The following MMP26 variants were observed in gnomAD, a reference collection of about 807,000 sequenced individuals.
MMP26 encodes the protein matrix metallopeptidase 26.
In MMP26, 33 loss-of-function variants were observed where a neutral mutation model predicts 31.0. That is an observed-to-expected ratio of 1.06 (90% confidence interval 0.81 to 1.42). The LOEUF (loss-of-function observed/expected upper bound fraction) is 1.42, where lower values mean the gene tolerates loss of function less well. Among genes scored for constraint, MMP26 ranks in the 40% most tolerant of loss-of-function variants. The pLI is 0.00. For missense variants in MMP26, 347 were observed against 316.1 expected, an observed-to-expected ratio of 1.10 and a Z score of -0.74; for synonymous variants, 122 against 114.9, an observed-to-expected ratio of 1.06 and a Z score of -0.40.
At chr11:4,740,028 G>A (rs935697433) in intron 1 of MMP26, among the ~76,000 whole-genome samples, 1 of 152,146 alleles carries the variant, frequency 6.6e-6, no homozygotes. Flanking sequence ...GGATTATAGT[G>A]AGTATGGAAT....
intron 1 of MMP26, chr11:4,723,905 G>A (rs1210967893): frequency 6.8e-6 from 7 of 1,036,548 alleles, no homozygotes; most frequent in African/African-American, 1.6e-5. Flanking sequence ...TCCTTCTCCT[G>A]GGTGCGCATG....
At chr11:4,972,608 A>G (rs1453881529) in intron 2 of MMP26, among the ~76,000 whole-genome samples, 21 of 152,172 alleles carry the variant, frequency 1.4e-4, no homozygotes, top group Non-Finnish European at 5.9e-5. Flanking sequence ...GTCACCTCTG[A>G]TCACTGCCCA....
At chr11:4,925,671 A>G (rs1851260775) in intron 2 of MMP26, among the ~76,000 whole-genome samples, 1 of 152,070 alleles carries the variant, frequency 6.6e-6, no homozygotes. Flanking sequence ...GCAGGTCATA[A>G]TGTTAAAACT....
chr11:4,747,500 G>A (rs996037987), intron 1 of MMP26, among the ~76,000 whole-genome samples: 5 of 152,140 alleles, frequency 3.3e-5, no homozygotes, highest in South Asian at 2.1e-4. Flanking sequence ...CTATAGAGAA[G>A]TCAGAAAGAG....
chr11:4,894,091 T>G (rs1850667892), intron 2 of MMP26, among the ~76,000 whole-genome samples: 1 of 152,188 alleles, frequency 6.6e-6, no homozygotes, highest in Non-Finnish European at 1.5e-5. Flanking sequence ...ATTAAGTGCT[T>G]TATTTTACCC....
At chr11:4,817,729 G>C (rs568378112) in intron 2 of MMP26, among the ~76,000 whole-genome samples, 2 of 152,268 alleles carry the variant, frequency 1.3e-5, no homozygotes, top group South Asian at 4.2e-4. Context: ...ATTTGGATCT[G>C]CTTCAGTCTA....
intron 1 of MMP26, among the ~76,000 whole-genome samples, chr11:4,731,081 A>T (rs1162222507): frequency 6.6e-6 from 1 of 152,074 alleles, no homozygotes; most frequent in African/African-American, 2.4e-5. Context: ...AGTAGCTGGG[A>T]TTACAGGCGT....
chr11:4,788,506 C>A (rs1848979046), intron 2 of MMP26, among the ~76,000 whole-genome samples: 1 of 151,974 alleles, frequency 6.6e-6, no homozygotes, highest in Non-Finnish European at 1.5e-5. Flanking sequence ...CTCAAATTTG[C>A]CTAATTTTCT....
At position 4,808,488 on chromosome 11, in the gene MMP26, G is replaced by A. The variant is rs934933041; in HGVS notation, c.-145+41147G>A. Among the ~76,000 whole-genome samples the A allele has an allele frequency of 7.9e-5, 12 of 152,174 alleles. 1 individual carries two copies. Among genetic ancestry groups the A allele is most frequent in the South Asian group, 4.2e-4 (2 of 4,812 alleles). The stretch of plus-strand genomic sequence containing the variant: ...TACTCTGGGTGTGTGCTGATTTCTC[G>A]GGGAGGACATCTTTAATGTATTCTG... On this transcript the variant is annotated intron_variant, in intron 2 of 7. Coordinates refer to ENST00000380390, the MANE Select transcript of MMP26 (RefSeq NM_021801.5).
intron 2 of MMP26, chr11:4,804,168 G>A (rs1386596832): frequency 1.2e-6 from 2 of 1,614,188 alleles, no homozygotes; most frequent in East Asian, 4.5e-5. Context: ...CCAGGTCAGT[G>A]ATGGCCAGCA....
intron 2 of MMP26, among the ~76,000 whole-genome samples, chr11:4,986,140 C>G (rs1013247765): frequency 1.3e-5 from 2 of 152,050 alleles, no homozygotes; most frequent in Non-Finnish European, 2.9e-5. Flanking sequence ...AGATTTGAAG[C>G]GAATTTTCTC....
chr11:4,714,661 G>C (rs1285882262), intron 1 of MMP26, among the ~76,000 whole-genome samples: 3 of 152,112 alleles, frequency 2.0e-5, no homozygotes, highest in Admixed American at 2.0e-4. Flanking sequence ...AGCTCTAGGT[G>C]GCAGAGACCA....
chr11:4,717,151 C>T (rs1223533995), intron 1 of MMP26, among the ~76,000 whole-genome samples: 1 of 152,222 alleles, frequency 6.6e-6, no homozygotes, highest in Non-Finnish European at 1.5e-5. Context: ...TCCCCTCCAA[C>T]TTTCTAATAT....
chr11:4,822,023 G>A lies in MMP26; in HGVS notation c.-145+54682G>A, dbSNP rs767009325. ...GACAATAGGATCAACAGCATCCTTGGTCTGTTTGCGCTTTTGTCCACTACA... is the reference window on the plus strand; with the variant it reads ...GACAATAGGATCAACAGCATCCTTGATCTGTTTGCGCTTTTGTCCACTACA... On this transcript the variant is annotated intron_variant, in intron 2 of 7. Transcript: ENST00000380390. 21 of 1,613,940 alleles carry A rather than the reference G, an allele frequency of 1.3e-5. No individual in the cohort carries two copies. In the South Asian group the frequency reaches 2.2e-4, roughly 17 times the overall value.
chr11:4,800,325 G>A (rs923595292), intron 2 of MMP26, among the ~76,000 whole-genome samples: 5 of 152,210 alleles, frequency 3.3e-5, no homozygotes, highest in African/African-American at 1.2e-4. Flanking sequence ...CCACATGGAA[G>A]CTGCCAAGAG....
chr11:4,820,856 A>G (rs991985031), intron 2 of MMP26, among the ~76,000 whole-genome samples: 1 of 152,122 alleles, frequency 6.6e-6, no homozygotes, highest in African/African-American at 2.4e-5. Flanking sequence ...CAACACAGGG[A>G]ACTCCCAACA....
rs534422729 is a variant in MMP26 at position 4,991,259 on chromosome 11, C to T, written c.470-112C>T. 4.6e-6 allele frequency: 6 copies of T among 1,312,914 alleles called. No individual in the cohort carries two copies. The East Asian group carries it at 1.2e-4, about 26-fold the overall frequency. The allele number at this position is 1,312,914 out of a possible 1,614,324, so 81.3% of individuals were successfully genotyped here. A position where few individuals can be genotyped will look rare whatever the true frequency, so the allele number is the denominator to read the frequency against. ...TAATGCCTTAGCTCTCTCACATCCC[C>T]CAGTGGTAGACTGTTGCACAGTATC... On this transcript the variant is annotated intron_variant, in intron 5 of 7. Coordinates refer to ENST00000380390, the MANE Select transcript of MMP26 (RefSeq NM_021801.5).
rs1589948862 is a variant in MMP26, at chr11:4,951,540, A to G, written c.-144-36528A>G. 1.6e-5 allele frequency among the ~76,000 whole-genome samples: 2 copies of G among 124,634 alleles called. 1 individual carries two copies. Among genetic ancestry groups the G allele is most frequent in the African/African-American group, 5.4e-5 (2 of 36,714 alleles). The allele number at this position is 124,634 out of a possible 152,430, so 81.8% of individuals were successfully genotyped here. A position where few individuals can be genotyped will look rare whatever the true frequency, so the allele number is the denominator to read the frequency against. On this transcript the variant is annotated intron_variant, in intron 2 of 7. Transcript: ENST00000380390. Reference sequence around the variant, plus strand: ...TGATTCTGCCATTATTGGCTGTTCTAGTAGATAAATACTGGGTTGTTAGGT... The same window carrying G: ...TGATTCTGCCATTATTGGCTGTTCTGGTAGATAAATACTGGGTTGTTAGGT...
At chr11:4,709,448 G>A (rs1215522338) in intron 1 of MMP26, 13 of 343,730 alleles carry the variant, frequency 3.8e-5, no homozygotes, top group South Asian at 2.1e-4. Context: ...TTGAAGAATA[G>A]GATGTGGTTC....
Sources: gnomAD v4.1 joint callset for allele counts (sites outside exome capture counted in the v4.1 genomes callset) on GRCh38, gnomAD v4.1.1 for gene constraint, MANE v1.5 for transcripts, NCBI Gene and HGNC (gene_info 2026-07-23, HGNC 2026-07-21) for gene names.